Variants in PLEKHG1 observed in about 807,000 individuals in gnomAD.
PLEKHG1 encodes the protein pleckstrin homology domain-containing family G member 1.
A neutral mutation model predicts 100.8 loss-of-function variants in PLEKHG1; 44 were observed. The observed-to-expected ratio is 0.44, with a 90% CI of 0.34 to 0.56. The LOEUF (loss-of-function observed/expected upper bound fraction) is 0.56, where lower values mean the gene tolerates loss of function less well. Ranked by LOEUF, PLEKHG1 falls within the 20% of genes least tolerant of loss-of-function variation. The pLI is 0.01. For synonymous variants in PLEKHG1, 640 were observed against 662.5 expected (o/e 0.97, Z 0.52); for missense variants, 1,545 against 1,720.9 (o/e 0.90, Z 1.81).
At chr6:150,616,810 C>A (rs201123628) in intron 1 of PLEKHG1, among the ~76,000 whole-genome samples, 1 of 152,154 alleles carries the variant, frequency 6.6e-6, no homozygotes, top group Non-Finnish European at 1.5e-5. Context: ...TGTAAGAACA[C>A]GTTCATCTCA....
At chr6:150,796,098 C>T (rs1786314870) in intron 5 of PLEKHG1, among the ~76,000 whole-genome samples, 196 bp downstream of exon 6, 1 of 152,166 alleles carries the variant, frequency 6.6e-6, no homozygotes, top group East Asian at 1.9e-4. Context: ...GGGCTCCCTG[C>T]AGAGCCAGTG....
At chr6:150,767,788 C>T (rs774306384) in intron 2 of PLEKHG1, among the ~76,000 whole-genome samples, 20 of 152,316 alleles carry the variant, frequency 1.3e-4, no homozygotes, top group South Asian at 8.3e-4. Flanking sequence ...GAGGGAGCCA[C>T]ACTTCATTGT....
At chr6:150,615,702 G>A (rs142778363) in intron 1 of PLEKHG1, among the ~76,000 whole-genome samples, 10 of 152,306 alleles carry the variant, frequency 6.6e-5, no homozygotes, top group African/African-American at 2.2e-4. Flanking sequence ...AAATTCTACC[G>A]AGGAATAAGC....
chr6:150,639,484 C>G (rs1778158073), intron 2 of PLEKHG1, among the ~76,000 whole-genome samples: 9 of 151,752 alleles, frequency 5.9e-5, no homozygotes, highest in Admixed American at 5.9e-4. Context: ...ATCTAGAACA[C>G]TAGAATTTAT....
At chr6:150,775,303 G>A (rs898398632) in intron 3 of PLEKHG1, among the ~76,000 whole-genome samples, 1 of 152,158 alleles carries the variant, frequency 6.6e-6, no homozygotes, top group Non-Finnish European at 1.5e-5. Context: ...ACAGTAATTT[G>A]AGCCTTTCTT....
At chr6:150,695,656 G>A (rs1378171102) in intron 3 of PLEKHG1, among the ~76,000 whole-genome samples, 2 of 152,334 alleles carry the variant, frequency 1.3e-5, no homozygotes, top group South Asian at 4.1e-4. Flanking sequence ...ATGAGACCAT[G>A]TATGTCAGTT....
intron 3 of PLEKHG1, among the ~76,000 whole-genome samples, chr6:150,774,409 C>T (rs779532998): frequency 6.6e-6 from 1 of 151,904 alleles, no homozygotes; most frequent in Non-Finnish European, 1.5e-5. Context: ...TATGATTTTA[C>T]TCTTTCTATT....
At chr6:150,613,933 C>A (rs1465501586) in intron 1 of PLEKHG1, among the ~76,000 whole-genome samples, 1 of 152,170 alleles carries the variant, frequency 6.6e-6, no homozygotes, top group East Asian at 1.9e-4. Context: ...ACAATTAACA[C>A]CTCTAATAAA....
At chr6:150,688,786 G>A (rs1780239141) in intron 3 of PLEKHG1, among the ~76,000 whole-genome samples, 1 of 152,188 alleles carries the variant, frequency 6.6e-6, no homozygotes, top group Non-Finnish European at 1.5e-5. Context: ...AGTGTCTTGA[G>A]ATATAATTCA....
chr6:150,677,578 T>G (rs1035833453), intron 3 of PLEKHG1, among the ~76,000 whole-genome samples: 3 of 152,120 alleles, frequency 2.0e-5, no homozygotes, highest in Non-Finnish European at 2.9e-5. Flanking sequence ...GGCCCACTTA[T>G]GTTCACACAC....
At chr6:150,789,816 G>T (rs1435981923) in intron 4 of PLEKHG1, among the ~76,000 whole-genome samples, 3 of 152,100 alleles carry the variant, frequency 2.0e-5, no homozygotes, top group African/African-American at 7.2e-5. Flanking sequence ...CAGACCTTGG[G>T]CAAGTCACTC....
chr6:150,806,530 T>TA (rs1787115244), intron 7 of PLEKHG1, among the ~76,000 whole-genome samples: 1 of 151,666 alleles, frequency 6.6e-6, no homozygotes, highest in Non-Finnish European at 1.5e-5. Context: ...ACTGAAAATA[T>TA]AAAAAATTAG....
chr6:150,814,471 C>G (rs1787737821), intron 10 of PLEKHG1, among the ~76,000 whole-genome samples: 1 of 152,224 alleles, frequency 6.6e-6, no homozygotes, highest in Non-Finnish European at 1.5e-5. Flanking sequence ...TCAGTTACAA[C>G]TTATTGAGCA....
chr6:150,837,094 A>C (rs954131236), intron 15 of PLEKHG1, among the ~76,000 whole-genome samples: 3 of 152,250 alleles, frequency 2.0e-5, no homozygotes, highest in African/African-American at 7.2e-5. Flanking sequence ...CCCAGGAGGT[A>C]GATGTTGCAG....
At chr6:150,769,467 A>C (rs1784603137) in intron 3 of PLEKHG1, among the ~76,000 whole-genome samples, 1 of 151,736 alleles carries the variant, frequency 6.6e-6, no homozygotes, top group South Asian at 2.1e-4. Context: ...CTGTAACCCC[A>C]GCTACCCAGG....
intron 2 of PLEKHG1, among the ~76,000 whole-genome samples, chr6:150,766,715 A>G (rs1784471197): frequency 6.6e-6 from 1 of 152,244 alleles, no homozygotes; most frequent in Non-Finnish European, 1.5e-5. Context: ...GATGCTGGCC[A>G]TGGTTCTTTG....
chr6:150,610,065 C>A (rs1004482640), intron 1 of PLEKHG1, among the ~76,000 whole-genome samples: 2 of 152,198 alleles, frequency 1.3e-5, no homozygotes, highest in African/African-American at 4.8e-5. Context: ...CCTTTCAGCT[C>A]CCTGGCATCC....
intron 3 of PLEKHG1, among the ~76,000 whole-genome samples, chr6:150,671,729 T>G (rs1779592285): frequency 6.6e-6 from 1 of 152,188 alleles, no homozygotes; most frequent in African/African-American, 2.4e-5. Flanking sequence ...AGAGATCACA[T>G]TCTAGTCACA....
intron 3 of PLEKHG1, 38 bp from the exon 5 acceptor site, chr6:150,786,352 T>G: frequency 7.3e-7 from 1 of 1,365,038 alleles, no homozygotes; most frequent in Non-Finnish European, 1.0e-6. Flanking sequence ...CCCAGAAGAC[T>G]ACAATCTAAT....
Sources: gnomAD v4.1 joint callset for allele counts (sites outside exome capture counted in the v4.1 genomes callset) on GRCh38, gnomAD v4.1.1 for gene constraint, MANE v1.5 for transcripts, NCBI Gene and HGNC (gene_info 2026-07-23, HGNC 2026-07-21) for gene names.